ASTN2: variants seen among roughly 807,000 people sequenced by gnomAD.
The protein encoded by ASTN2 is astrotactin-2.
A neutral mutation model predicts 139.8 loss-of-function variants in ASTN2; 54 were observed. That is an observed-to-expected ratio of 0.39 (90% CI 0.31 to 0.48). The LOEUF (loss-of-function observed/expected upper bound fraction) is 0.48, where lower values mean the gene tolerates loss of function less well. Among genes scored for constraint, ASTN2 ranks in the 20% least tolerant of loss-of-function variants. ASTN2 has a pLI of 0.95. For missense variants in ASTN2, 1,565 were observed against 1,725.1 expected, an observed-to-expected ratio of 0.91 and a Z score of 1.64; for synonymous variants, 756 against 719.5, an observed-to-expected ratio of 1.05 and a Z score of -0.81.
chr9:116,664,352 A>T (rs1858739093), intron 16 of ASTN2, among the ~76,000 whole-genome samples: 1 of 151,188 alleles, frequency 6.6e-6, no homozygotes, highest in South Asian at 2.1e-4. Context: ...AAGTGTTGGG[A>T]TTACAGTGTG....
chr9:116,856,311 T>G (rs1375612892), intron 11 of ASTN2, among the ~76,000 whole-genome samples: 3 of 152,100 alleles, frequency 2.0e-5, no homozygotes, highest in Non-Finnish European at 2.9e-5. Flanking sequence ...GAAAAACAAG[T>G]CTCCAAGGGC....
At chr9:117,412,135 C>G (rs1831182499) in intron 1 of ASTN2, among the ~76,000 whole-genome samples, 1 of 152,142 alleles carries the variant, frequency 6.6e-6, no homozygotes, top group Non-Finnish European at 1.5e-5. Flanking sequence ...TCCCACGTCT[C>G]CCTACACAGC....
chr9:117,293,037 C>G (rs1834634388), intron 1 of ASTN2, among the ~76,000 whole-genome samples: 1 of 151,992 alleles, frequency 6.6e-6, no homozygotes, highest in Non-Finnish European at 1.5e-5. Context: ...GATTTATCAT[C>G]ATCATCATCA....
intron 2 of ASTN2, among the ~76,000 whole-genome samples, chr9:117,238,654 A>C (rs1222665058): frequency 6.6e-6 from 1 of 152,176 alleles, no homozygotes; most frequent in East Asian, 1.9e-4. Context: ...CCTGGGGAGA[A>C]TTTTGGATGT....
At chr9:117,352,399 C>T (rs559717549) in intron 1 of ASTN2, among the ~76,000 whole-genome samples, 1 of 152,304 alleles carries the variant, frequency 6.6e-6, no homozygotes, top group Non-Finnish European at 1.5e-5. Context: ...CTGGAACCTC[C>T]TACACATTAA....
rs188574961 is a variant in ASTN2, at chr9:117,042,791, C to T, written c.1277-2826G>A. Among the ~76,000 whole-genome samples the T allele has an allele frequency of 4.1e-3, 619 of 152,244 alleles. 2 individuals carry two copies. Among genetic ancestry groups the T allele is most frequent in the Non-Finnish European group, 5.4e-3 (366 of 68,010 alleles). On this transcript the variant is annotated intron_variant, in intron 5 of 22. Coordinates refer to ENST00000313400, the MANE Select transcript of ASTN2 (RefSeq NM_001365068.1). ...ACCTTAAAACGTCAACCTATTACCC[C>T]ACCCTAATCATTTAGCAAAACCCCT...
rs1288161668 is a variant in ASTN2, at chr9:116,427,592, G to T, written c.3783-1504C>A. ...CTCTCCATGTCCCTCTGATACCACA[G>T]GAGGGAAGGAGTTTTACAACAACAG... On this transcript the variant is annotated intron_variant, in intron 22 of 22. Transcript: ENST00000313400. Among the ~76,000 whole-genome samples the T allele has an allele frequency of 3.3e-5, 5 of 152,248 alleles. No homozygotes were observed. The East Asian group carries it at 9.6e-4, about 29-fold the overall frequency.
intron 2 of ASTN2, among the ~76,000 whole-genome samples, chr9:117,270,156 T>TA (rs928078489): frequency 1.3e-5 from 2 of 152,184 alleles, no homozygotes; most frequent in Admixed American, 6.5e-5. Flanking sequence ...TTTTCTTGTT[T>TA]AAAAAAATAC....
At chr9:116,438,650 A>C (rs1473931557) in intron 22 of ASTN2, among the ~76,000 whole-genome samples, 1 of 152,204 alleles carries the variant, frequency 6.6e-6, no homozygotes, top group Non-Finnish European at 1.5e-5. Flanking sequence ...AGGTTACTTC[A>C]AAAGGAAAAT....
chr9:117,211,105 A>C (rs1478667365), intron 3 of ASTN2, among the ~76,000 whole-genome samples: 1 of 152,190 alleles, frequency 6.6e-6, no homozygotes, highest in East Asian at 1.9e-4. Flanking sequence ...CACAGCTAAC[A>C]TCTTACCAAA....
intron 11 of ASTN2, among the ~76,000 whole-genome samples, chr9:116,821,475 C>T (rs1831483008): frequency 6.6e-6 from 1 of 152,096 alleles, no homozygotes; most frequent in South Asian, 2.1e-4. Flanking sequence ...TCCCTGGAGC[C>T]CTAAGTAAGA....
At chr9:117,210,030 C>A (rs1305989226) in intron 3 of ASTN2, among the ~76,000 whole-genome samples, 1 of 151,938 alleles carries the variant, frequency 6.6e-6, no homozygotes, top group Non-Finnish European at 1.5e-5. Flanking sequence ...ACACAGCATA[C>A]CAAAATCCAT....
chr9:117,187,328 A>C (rs1234502822), intron 3 of ASTN2, among the ~76,000 whole-genome samples: 1 of 152,116 alleles, frequency 6.6e-6, no homozygotes, highest in Non-Finnish European at 1.5e-5. Context: ...CTGTTCAGGA[A>C]GAGAGAACAG....
intron 10 of ASTN2, among the ~76,000 whole-genome samples, chr9:116,931,990 G>A (rs910609913): frequency 3.9e-5 from 6 of 152,228 alleles, no homozygotes; most frequent in African/African-American, 1.4e-4. Context: ...CAGAAATAAC[G>A]CTGGTTTGGC....
At chr9:116,632,501 T>C (rs1285514263) in intron 17 of ASTN2, among the ~76,000 whole-genome samples, 2 of 152,072 alleles carry the variant, frequency 1.3e-5, no homozygotes, top group East Asian at 3.9e-4. Context: ...TACAACCATT[T>C]TTCTTAGCCT....
At chr9:116,552,274 T>A (rs1303858274) in intron 19 of ASTN2, 1 of 152,216 alleles carries the variant, frequency 6.6e-6, no homozygotes, top group Non-Finnish European at 1.5e-5. Context: ...GGCATATCAC[T>A]GGGAAAATAA....
chr9:117,226,613 G>T (rs942693171), intron 2 of ASTN2, among the ~76,000 whole-genome samples: 99 of 146,530 alleles, frequency 6.8e-4, no homozygotes, highest in African/African-American at 1.9e-3. Context: ...TTGTTTGTTT[G>T]TTTTTTTAAC....
At chr9:116,828,295 C>T (rs4449866) in intron 11 of ASTN2, among the ~76,000 whole-genome samples, 112,967 of 141,936 alleles carry the variant, frequency 0.8, 45,016 homozygotes, top group East Asian at 0.92. Context: ...AGCGAGACTC[C>T]GTCTCAAAAA....
chr9:117,293,492 G>A (rs189678284), intron 1 of ASTN2, among the ~76,000 whole-genome samples: 131 of 152,308 alleles, frequency 8.6e-4, no homozygotes, highest in Admixed American at 2.2e-3. Context: ...CTTGCAGCTG[G>A]AAGAGTTGAA....
Sources: gnomAD v4.1 joint callset for allele counts (sites outside exome capture counted in the v4.1 genomes callset) on GRCh38, gnomAD v4.1.1 for gene constraint, MANE v1.5 for transcripts, NCBI Gene and HGNC (gene_info 2026-07-23, HGNC 2026-07-21) for gene names.